Variants in FAM13B observed in about 807,000 individuals in gnomAD.
FAM13B encodes protein FAM13B.
A neutral mutation model predicts 117.3 loss-of-function variants in FAM13B; 60 were observed. That is an observed-to-expected ratio of 0.51 (90% CI 0.42 to 0.63). The LOEUF is 0.63. Ranked by LOEUF, FAM13B falls within the 30% of genes least tolerant of loss-of-function variation. FAM13B has a pLI of 0.00. For synonymous variants in FAM13B, 332 were observed against 356.1 expected, an observed-to-expected ratio of 0.93 and a Z score of 0.76; for missense variants, 972 against 1,091.9, an observed-to-expected ratio of 0.89 and a Z score of 1.55.
Position 137,961,314 on chromosome 5 carries a change from A to AAACAACAACAACAAC in FAM13B, c.1244+1076_1244+1090dup, listed in dbSNP as rs56832242. Among the ~76,000 whole-genome samples the AAACAACAACAACAAC allele has an allele frequency of 1.2e-3, 179 of 151,288 alleles. 1 individual carries two copies. Among genetic ancestry groups the AAACAACAACAACAAC allele is most frequent in the African/African-American group, 3.8e-3 (158 of 41,210 alleles). On this transcript the variant is annotated intron_variant, in intron 11 of 23. Coordinates refer to ENST00000689681, the MANE Select transcript of FAM13B (RefSeq NM_001385994.1). ...TTGAAGAGGAGAGAGCTTTTTCCAA[A>AAACAACAACAACAAC]AACAACAACAACAACAACAACAACA...
rs1375753241 is a variant in FAM13B, at chr5:137,940,393, A to G, written c.2691-45T>C. ...TTGTAATGTTCTAGAGATCATTTGG[A>G]AAAAAAGATCCAAAAGTTGTCTTAA... On this transcript the variant is annotated intron_variant, in intron 23 of 23. Transcript: ENST00000689681. The G allele has an allele frequency of 3.5e-6, 5 of 1,421,080 alleles. No individual in the cohort carries two copies. In the African/African-American group the frequency reaches 5.8e-5, roughly 16 times the overall value. 88.0% of individuals were successfully genotyped at this position (1,421,080 alleles called of 1,614,324 possible). A position where few individuals can be genotyped will look rare whatever the true frequency, so the allele number is the denominator to read the frequency against.
chr5:138,027,934 A>G (rs1788880581), intron 1 of FAM13B, among the ~76,000 whole-genome samples: 1 of 152,118 alleles, frequency 6.6e-6, no homozygotes, highest in Non-Finnish European at 1.5e-5. Flanking sequence ...GTCCCCTTCC[A>G]CTATGATTGT....
Position 137,956,619 on chromosome 5 carries a change from C to T in FAM13B, c.1442-77G>A. On this transcript the variant is annotated intron_variant, in intron 13 of 23. Transcript: ENST00000689681. ...GTCAGAACAAACCATACACATAACACAAAGCCAAAGATACCAAAAACATTT... is the reference window on the plus strand; with the variant it reads ...GTCAGAACAAACCATACACATAACATAAAGCCAAAGATACCAAAAACATTT... 7.2e-6 allele frequency: 7 copies of T among 977,146 alleles called. 1 individual carries two copies. The South Asian group carries it at 1.6e-4, about 22-fold the overall frequency. 60.5% of individuals were successfully genotyped at this position (977,146 alleles called of 1,614,324 possible). A position where few individuals can be genotyped will look rare whatever the true frequency, so the allele number is the denominator to read the frequency against.
Position 137,988,399 on chromosome 5 carries a change from T to A in FAM13B, c.849-84A>T, listed in dbSNP as rs1380413336. 7 of 1,023,324 alleles carry A rather than the reference T, an allele frequency of 6.8e-6. No individual in the cohort carries two copies. The East Asian group carries it at 1.9e-4, about 28-fold the overall frequency. 63.4% of individuals were successfully genotyped at this position (1,023,324 alleles called of 1,614,324 possible). ...GTGCTGAAATCTGCCATATTTGCAC[T>A]ACCTTGACACAACCAGGAGAGCACA... On this transcript the variant is annotated intron_variant, in intron 7 of 23. Coordinates refer to ENST00000689681, the MANE Select transcript of FAM13B (RefSeq NM_001385994.1).
intron 7 of FAM13B, among the ~76,000 whole-genome samples, chr5:137,992,636 A>G (rs1024519533): frequency 5.3e-5 from 8 of 152,150 alleles, no homozygotes; most frequent in Non-Finnish European, 7.4e-5. Context: ...GAACCACTAA[A>G]GTTCACAAAA....
intron 15 of FAM13B, 42 bp from the exon 16 acceptor site, chr5:137,953,507 A>C (rs1286813237): frequency 1.2e-6 from 2 of 1,603,056 alleles, no homozygotes; most frequent in Non-Finnish European, 1.7e-6. Flanking sequence ...ATTTTCAAGT[A>C]CCAACACTGT....
rs537761182 is a variant in FAM13B at position 137,997,337 on chromosome 5, C to T, written c.849-9022G>A. Among the ~76,000 whole-genome samples the T allele has an allele frequency of 5.9e-5, 9 of 152,170 alleles. No homozygotes were observed. The South Asian group carries it at 1.9e-3, about 32-fold the overall frequency. On this transcript the variant is annotated intron_variant, in intron 7 of 23. Transcript: ENST00000689681. ...ACAAAAAATTAGCTGGGCCTGGTGG[C>T]AGGCACCTGTAATCCCAGCTACTTG...
At chr5:137,963,020 G>A (rs1324561671) in intron 10 of FAM13B, among the ~76,000 whole-genome samples, 1 of 152,044 alleles carries the variant, frequency 6.6e-6, no homozygotes, top group Non-Finnish European at 1.5e-5. Flanking sequence ...CAAATACCCA[G>A]AGAATTACTA....
intron 7 of FAM13B, among the ~76,000 whole-genome samples, chr5:137,998,422 G>T (rs996470975): frequency 6.6e-6 from 1 of 152,124 alleles, no homozygotes; most frequent in African/African-American, 2.4e-5. Context: ...CAGTGTAAAA[G>T]GGAAGTACTC....
At chr5:137,941,914 G>T in intron 23 of FAM13B, 30 bp downstream of exon 23, 2 of 1,543,214 alleles carry the variant, frequency 1.3e-6, no homozygotes, top group Non-Finnish European at 1.8e-6. Flanking sequence ...AGAGAAGAAA[G>T]ATGACTCAAT....
intron 1 of FAM13B, among the ~76,000 whole-genome samples, chr5:138,024,440 T>C (rs1460577398): frequency 1.3e-5 from 2 of 152,124 alleles, no homozygotes; most frequent in Non-Finnish European, 2.9e-5. Context: ...ATCTGCCCTG[T>C]GGACACTTCC....
chr5:138,033,958 C>T (rs1790806227), upstream of FAM13B: 1 of 152,156 alleles, frequency 6.6e-6, no homozygotes, highest in Non-Finnish European at 1.5e-5. Flanking sequence ...AAAACAAGAA[C>T]CCTCATAGAA....
At chr5:137,987,428 A>G (rs7714536) in intron 9 of FAM13B, 33 bp downstream of exon 9, 1,212,729 of 1,546,052 alleles carry the variant, frequency 0.78, 478,523 homozygotes, top group East Asian at 0.97. Flanking sequence ...CAATTTTATA[A>G]CATTTAATAA....
intron 17 of FAM13B, among the ~76,000 whole-genome samples, chr5:137,950,214 A>C (rs1181965297): frequency 6.6e-6 from 1 of 152,224 alleles, no homozygotes; most frequent in Non-Finnish European, 1.5e-5. Context: ...ACAGCGCTAA[A>C]AGGAGTATAA....
At chr5:138,045,427 A>G (rs1055747341) in intron 1 of FAM13B, among the ~76,000 whole-genome samples, 8 of 151,898 alleles carry the variant, frequency 5.3e-5, no homozygotes, top group Admixed American at 1.3e-4. Context: ...GCAGCTACTC[A>G]GGAGGCTGAG....
intron 10 of FAM13B, among the ~76,000 whole-genome samples, chr5:137,975,314 C>T (rs73299243): frequency 0.014 from 2,112 of 152,326 alleles, 49 homozygotes; most frequent in African/African-American, 0.047. Context: ...AACACGCACT[C>T]TGTACCCTGG....
chr5:137,993,116 A>C (rs569947646), intron 7 of FAM13B, among the ~76,000 whole-genome samples: 1 of 152,272 alleles, frequency 6.6e-6, no homozygotes, highest in East Asian at 1.9e-4. Flanking sequence ...ATATAAGCTG[A>C]TTTCATTTTC....
chr5:138,028,399 A>G (rs1301000972), intron 1 of FAM13B, among the ~76,000 whole-genome samples: 2 of 152,202 alleles, frequency 1.3e-5, no homozygotes, highest in African/African-American at 2.4e-5. Context: ...TTTTTCAGGT[A>G]AGGGGTATTA....
intron 5 of FAM13B, 152 bp downstream of exon 5, chr5:138,011,616 C>T (rs995583821): frequency 1.8e-5 from 9 of 512,226 alleles, no homozygotes; most frequent in Non-Finnish European, 3.1e-5. Flanking sequence ...GACGGGGTTT[C>T]ACCGTGTTAG....
Sources: allele counts gnomAD v4.1 joint callset (sites outside exome capture counted in the v4.1 genomes callset), GRCh38; gene constraint gnomAD v4.1.1; transcripts MANE v1.5; gene names NCBI Gene and HGNC (gene_info 2026-07-23, HGNC 2026-07-21).